The following NLGN1 variants were observed in gnomAD, a reference collection of about 807,000 sequenced individuals.
NLGN1 encodes neuroligin 1, also known as neuroligin-1.
In NLGN1, 12 loss-of-function variants were observed where a neutral mutation model predicts 65.5. The observed-to-expected ratio is 0.18, with a 90% CI of 0.12 to 0.30. The LOEUF (loss-of-function observed/expected upper bound fraction) is 0.30. Ranked by LOEUF, NLGN1 falls within the 10% of genes least tolerant of loss-of-function variation. NLGN1 has a pLI of 1.00. For synonymous variants in NLGN1, 350 were observed against 359.5 expected (o/e 0.97, Z 0.30); for missense variants, 750 against 1,007.1 (o/e 0.74, Z 3.46).
At chr3:173,962,646 G>A (rs1713867840) in intron 4 of NLGN1, among the ~76,000 whole-genome samples, 2 of 152,142 alleles carry the variant, frequency 1.3e-5, no homozygotes, top group South Asian at 2.1e-4. Context: ...GTTCTGAAAG[G>A]ATAAAGAATT....
intron 5 of NLGN1, among the ~76,000 whole-genome samples, chr3:174,277,096 T>G (rs1355539139): frequency 2.0e-5 from 3 of 151,904 alleles, no homozygotes; most frequent in East Asian, 3.9e-4. Flanking sequence ...ATACAACATT[T>G]TATTATACAC....
intron 2 of NLGN1, among the ~76,000 whole-genome samples, chr3:173,542,701 C>A (rs1219653551): frequency 6.6e-6 from 1 of 151,936 alleles, no homozygotes; most frequent in Non-Finnish European, 1.5e-5. Flanking sequence ...ATGAGGACTT[C>A]TCTTTAGAGG....
intron 3 of NLGN1, among the ~76,000 whole-genome samples, chr3:173,709,937 T>TTGTTAAATTA (rs1208741532): frequency 6.6e-6 from 1 of 152,100 alleles, no homozygotes; most frequent in Non-Finnish European, 1.5e-5. Context: ...TTTGTAATAT[T>TTGTTAAATTA]TGTTAAATTA....
At chr3:174,044,826 C>T (rs528816412) in intron 4 of NLGN1, among the ~76,000 whole-genome samples, 1 of 152,200 alleles carries the variant, frequency 6.6e-6, no homozygotes, top group East Asian at 1.9e-4. Context: ...GGGCAGTTAC[C>T]CCCGTGCTGC....
intron 3 of NLGN1, among the ~76,000 whole-genome samples, chr3:173,697,462 A>C (rs1766391595): frequency 6.6e-6 from 1 of 152,152 alleles, no homozygotes; most frequent in Non-Finnish European, 1.5e-5. Flanking sequence ...AAGGATTTTT[A>C]AAAACATTAA....
intron 2 of NLGN1, among the ~76,000 whole-genome samples, chr3:173,436,557 A>G (rs6768113): frequency 0.17 from 26,368 of 152,178 alleles, 3,476 homozygotes; most frequent in African/African-American, 0.37. Flanking sequence ...TATGTGTCCC[A>G]TTAATTCCAT....
exon 3 of NLGN1, chr3:173,604,376 C>T (rs1249352405): frequency 1.8e-6 from 1 of 569,886 alleles, no homozygotes; most frequent in Non-Finnish European, 3.1e-6. Flanking sequence ...ACAGAATGTT[C>T]AATAGGATAT....
At chr3:173,752,654 TC>T (rs1344083187) in intron 3 of NLGN1, among the ~76,000 whole-genome samples, 2 of 152,116 alleles carry the variant, frequency 1.3e-5, no homozygotes, top group Non-Finnish European at 2.9e-5. Context: ...CTTGATTGTC[TC>T]CTTCTCCACT....
chr3:173,751,782 G>C (rs1052740268), intron 3 of NLGN1, among the ~76,000 whole-genome samples: 3 of 152,058 alleles, frequency 2.0e-5, no homozygotes, highest in Admixed American at 6.6e-5. Flanking sequence ...CACTACTCCA[G>C]ACACTATGCT....
At chr3:174,273,562 T>A (rs2152882911) in intron 4 of NLGN1, among the ~76,000 whole-genome samples, 1 of 148,012 alleles carries the variant, frequency 6.8e-6, no homozygotes, top group East Asian at 2.7e-4. Flanking sequence ...ATATTGAGTA[T>A]TTGCAAATAC....
At chr3:174,257,596 T>A (rs555578066) in intron 4 of NLGN1, among the ~76,000 whole-genome samples, 93 of 152,196 alleles carry the variant, frequency 6.1e-4, no homozygotes, top group African/African-American at 2.2e-3. Flanking sequence ...GAATGAGTTA[T>A]GTCCTTTGCA....
At chr3:174,167,905 T>A (rs1727831755) in intron 4 of NLGN1, among the ~76,000 whole-genome samples, 1 of 151,812 alleles carries the variant, frequency 6.6e-6, no homozygotes, top group Admixed American at 6.6e-5. Context: ...GTTTAAAAAT[T>A]TTTTTTTAAA....
chr3:173,992,329 TTGAAAAA>T (rs1721293359), intron 4 of NLGN1, among the ~76,000 whole-genome samples: 1 of 152,078 alleles, frequency 6.6e-6, no homozygotes, highest in Non-Finnish European at 1.5e-5. Flanking sequence ...CAGGACTCAA[TTGAAAAA>T]ACAGTGTGCT....
chr3:173,542,261 T>G (rs1164773765), intron 2 of NLGN1, among the ~76,000 whole-genome samples: 2 of 152,054 alleles, frequency 1.3e-5, no homozygotes, highest in Non-Finnish European at 2.9e-5. Flanking sequence ...AATCCTCTTT[T>G]TGTTTTATGT....
intron 4 of NLGN1, among the ~76,000 whole-genome samples, chr3:173,902,512 TC>T (rs757808953): frequency 1.3e-5 from 2 of 152,138 alleles, no homozygotes; most frequent in Non-Finnish European, 2.9e-5. Context: ...AGAGTTTCTC[TC>T]CACAATATGG....
intron 4 of NLGN1, among the ~76,000 whole-genome samples, chr3:173,933,148 TTGAA>T (rs1436443210): frequency 6.6e-6 from 1 of 152,004 alleles, no homozygotes; most frequent in African/African-American, 2.4e-5. Flanking sequence ...CATTAAGTAA[TTGAA>T]TGGGAAAAAT....
chr3:173,670,426 TAGA>T (rs957794544), intron 3 of NLGN1, among the ~76,000 whole-genome samples: 3 of 152,160 alleles, frequency 2.0e-5, no homozygotes, highest in Non-Finnish European at 2.9e-5. Context: ...GGTTTTGTTC[TAGA>T]AAAACATTTT....
chr3:174,162,814 CT>C (rs1356741961), intron 4 of NLGN1, among the ~76,000 whole-genome samples: 1 of 150,540 alleles, frequency 6.6e-6, no homozygotes, highest in Non-Finnish European at 1.5e-5. Flanking sequence ...GAAGAGTCAT[CT>C]GATTAAATGA....
chr3:173,889,945 T>C (rs1418008787), intron 4 of NLGN1, among the ~76,000 whole-genome samples: 2 of 151,862 alleles, frequency 1.3e-5, no homozygotes, highest in Non-Finnish European at 1.5e-5. Flanking sequence ...CTGGTAGAGA[T>C]TTTGCCAAAA....
Sources: gnomAD v4.1 joint callset for allele counts (sites outside exome capture counted in the v4.1 genomes callset) on GRCh38, gnomAD v4.1.1 for gene constraint, MANE v1.5 for transcripts, NCBI Gene and HGNC (gene_info 2026-07-23, HGNC 2026-07-21) for gene names.